The following FAM169A variants were observed in gnomAD, a reference collection of about 807,000 sequenced individuals.
FAM169A encodes soluble lamin-associated protein of 75 kDa.
Under a neutral mutation model 75.7 loss-of-function variants are expected in FAM169A, and 24 were observed. That is an observed-to-expected ratio of 0.32 (90% confidence interval 0.23 to 0.45). The LOEUF is 0.45. FAM169A is among the 20% of genes least tolerant of loss of function. The pLI is 1.00. For synonymous variants in FAM169A, 271 were observed against 271.0 expected, an observed-to-expected ratio of 1.00 and a Z score of 0.00; for missense variants, 673 against 784.0, an observed-to-expected ratio of 0.86 and a Z score of 1.69.
intron 8 of FAM169A, among the ~76,000 whole-genome samples, chr5:74,802,912 T>G (rs1341016592): frequency 6.6e-6 from 1 of 152,034 alleles, no homozygotes; most frequent in African/African-American, 2.4e-5. Context: ...AAGTGTAAGA[T>G]AAATAATAGG....
chr5:74,801,033 G>T lies in FAM169A; in HGVS notation c.953-3C>A. On this transcript the variant is annotated splice_region_variant and splice_polypyrimidine_tract_variant and intron_variant, in intron 9 of 12. Transcript: ENST00000687041. ...GGAAACAGATGTTTTATCATGACCT[G>T]AGGAGAAAAACAGCAAAACTGCACT... is the stretch of plus-strand genomic sequence containing the variant. 6.5e-7 allele frequency: 1 copy of T among 1,531,696 alleles called. No individual in the cohort carries two copies. Among genetic ancestry groups the T allele is most frequent in the African/African-American group, 1.4e-5 (1 of 70,922 alleles). 94.9% of individuals were successfully genotyped at this position (1,531,696 alleles called of 1,614,324 possible).
chr5:74,801,532 C>T (rs1746576908), intron 9 of FAM169A, 58 bp downstream of exon 9: 1 of 1,309,816 alleles, frequency 7.6e-7, no homozygotes, highest in Non-Finnish European at 1.1e-6. Flanking sequence ...CACACACACA[C>T]ACAGCCCTAA....
intron 6 of FAM169A, among the ~76,000 whole-genome samples, chr5:74,812,593 T>C (rs150462361): frequency 2.0e-4 from 30 of 152,256 alleles, no homozygotes; most frequent in African/African-American, 6.7e-4. Context: ...TTATTTCTTT[T>C]TGTATGTCTG....
rs1397663694 is a variant in FAM169A at position 74,866,201 on chromosome 5, G to A, written c.-40C>T. On this transcript the variant is annotated 5_prime_UTR_variant, in exon 1 of 13. Coordinates refer to ENST00000687041, the MANE Select transcript of FAM169A (RefSeq NM_001376049.1). The stretch of plus-strand genomic sequence containing the variant: ...CCCGGGAGCCGCTGGAAGAGCCCGG[G>A]AAAGGAGGCGGAGCCGCGCGAATGA... 1.0e-6 allele frequency: 1 copy of A among 984,252 alleles called. No homozygotes were observed. Among genetic ancestry groups the A allele is most frequent in the Non-Finnish European group, 1.2e-6 (1 of 829,612 alleles). The allele number at this position is 984,252 out of a possible 1,614,324, so 61.0% of individuals were successfully genotyped here. A position where few individuals can be genotyped will look rare whatever the true frequency, so the allele number is the denominator to read the frequency against.
chr5:74,797,000 T>C (rs1746311667), intron 10 of FAM169A, among the ~76,000 whole-genome samples: 1 of 152,206 alleles, frequency 6.6e-6, no homozygotes, highest in Non-Finnish European at 1.5e-5. Context: ...TGGACCACTG[T>C]ACTTCTCCCC....
rs200900016 is a variant in FAM169A at position 74,800,875 on chromosome 5, T to C, written c.1103+5A>G. ...AAAATGAGAGTAAAATCAACAATTA[T>C]TTACTTGTTTATTGAAGCTGTAAGT... On this transcript the variant is annotated splice_donor_5th_base_variant and intron_variant, in intron 10 of 12. Coordinates refer to ENST00000687041, the MANE Select transcript of FAM169A (RefSeq NM_001376049.1). The C allele has an allele frequency of 4.5e-4, 622 of 1,391,878 alleles. No individual in the cohort carries two copies. Among genetic ancestry groups the C allele is most frequent in the Non-Finnish European group, 5.3e-4 (562 of 1,063,600 alleles). 86.2% of individuals were successfully genotyped at this position (1,391,878 alleles called of 1,614,324 possible).
At chr5:74,820,879 C>T (rs1747733991) in intron 5 of FAM169A, among the ~76,000 whole-genome samples, 1 of 152,158 alleles carries the variant, frequency 6.6e-6, no homozygotes, top group Non-Finnish European at 1.5e-5. Flanking sequence ...TCTCCTAATC[C>T]ATATCAATCA....
intron 12 of FAM169A, 78 bp from the exon 13 acceptor site, chr5:74,782,086 T>A: frequency 9.0e-7 from 1 of 1,108,838 alleles, no homozygotes; most frequent in Non-Finnish European, 1.3e-6. Flanking sequence ...TAATATGCAG[T>A]GACACTGAAC....
At position 74,833,110 on chromosome 5, in the gene FAM169A, A is replaced by C. The variant is rs186898586; in HGVS notation, c.490+1316T>G. On this transcript the variant is annotated intron_variant, in intron 5 of 12. Coordinates refer to ENST00000687041, the MANE Select transcript of FAM169A (RefSeq NM_001376049.1). ...CCTTTGTGTGTCTTTCATAGAAAGA[A>C]GCCCTCAATACAAAAGTATAAACTA... 4.0e-3 allele frequency among the ~76,000 whole-genome samples: 603 copies of C among 152,246 alleles called. 1 individual carries two copies. The highest frequency in any genetic ancestry group is 0.014 in the African/African-American group (581 of 41,566).
intron 5 of FAM169A, among the ~76,000 whole-genome samples, chr5:74,827,640 C>T (rs1285494134): frequency 3.3e-5 from 5 of 150,192 alleles, no homozygotes. Context: ...ATTTTAAATA[C>T]AACTGTTAAT....
rs145758629 is a variant in FAM169A, at chr5:74,799,821, C to T, written c.1103+1059G>A. The stretch of plus-strand genomic sequence containing the variant: ...ACCAATGCTCTTGAACTACGATGAC[C>T]GTGGCTGCCTGACCTTTGTCTCCAA... On this transcript the variant is annotated intron_variant, in intron 10 of 12. Coordinates refer to ENST00000687041, the MANE Select transcript of FAM169A (RefSeq NM_001376049.1). 62 of 1,073,362 alleles carry T rather than the reference C, an allele frequency of 5.8e-5. No homozygotes were observed. The African/African-American group carries it at 8.4e-4, about 15-fold the overall frequency. The allele number at this position is 1,073,362 out of a possible 1,614,324, so 66.5% of individuals were successfully genotyped here.
chr5:74,804,811 T>C (rs139695949), intron 7 of FAM169A, among the ~76,000 whole-genome samples: 76 of 152,338 alleles, frequency 5.0e-4, no homozygotes, highest in African/African-American at 1.8e-3. Context: ...AAGTATTTAG[T>C]AGCTTTGGGG....
chr5:74,820,647 T>C (rs1034821969), intron 5 of FAM169A, among the ~76,000 whole-genome samples: 29 of 152,124 alleles, frequency 1.9e-4, no homozygotes, highest in Non-Finnish European at 7.4e-5. Context: ...CCAGGGCTTC[T>C]ACAACAGCCT....
At chr5:74,864,475 G>C (rs1016538453) in intron 1 of FAM169A, among the ~76,000 whole-genome samples, 2 of 152,154 alleles carry the variant, frequency 1.3e-5, no homozygotes, top group African/African-American at 4.8e-5. Context: ...TGATCCACCC[G>C]CTCTGGCCTC....
At chr5:74,844,398 G>A (rs901166130) in intron 1 of FAM169A, among the ~76,000 whole-genome samples, 9 of 151,992 alleles carry the variant, frequency 5.9e-5, no homozygotes, top group African/African-American at 1.7e-4. Context: ...GGAGTTCAAT[G>A]ACGCAGTGAG....
At chr5:74,827,215 TA>T (rs1366999287) in intron 5 of FAM169A, among the ~76,000 whole-genome samples, 7 of 152,156 alleles carry the variant, frequency 4.6e-5, no homozygotes, top group African/African-American at 1.7e-4. Flanking sequence ...TTGCAGTTAA[TA>T]AATAACATTG....
chr5:74,841,570 T>C lies in FAM169A; in HGVS notation c.107A>G (p.Glu36Gly), dbSNP rs1485776513. 2 of 1,612,966 alleles carry C rather than the reference T, an allele frequency of 1.2e-6. No individual in the cohort carries two copies. Among genetic ancestry groups the C allele is most frequent in the African/African-American group, 2.7e-5 (2 of 74,896 alleles). Residue 36 changes from glutamate to glycine, a missense_variant, in exon 2 of 13, where the codon GAG (glutamate) becomes GGG (glycine). By Grantham distance (98) the Glu-to-Gly change is moderately conservative (BLOSUM62 -2). This residue lies in a region of FAM169A where 56 missense variants were observed against 52.2 expected (regional missense o/e 1.07). Coordinates refer to ENST00000687041, the MANE Select transcript of FAM169A (RefSeq NM_001376049.1). ...CGTAATATTGAGAAGAGAAAAACACTCTGGATTTTCAGGGTCCCCACACCT... is the reference window on the plus strand; with the variant it reads ...CGTAATATTGAGAAGAGAAAAACACCCTGGATTTTCAGGGTCCCCACACCT... Reference protein sequence around the residue: ...DLRCGDPENPECFSLLNITIP... With the variant: ...DLRCGDPENPGCFSLLNITIP...
In FAM169A at chr5:74,795,627, C is replaced by T. The variant is rs1280395865; in HGVS notation, c.1260+403G>A. On this transcript the variant is annotated intron_variant, in intron 11 of 12. Transcript: ENST00000687041. ...TTTTCTGGATTAGTAATTCCTACCC[C>T]TCTAACTAAAATGGGGGTGCCCCTG... 2.0e-5 allele frequency among the ~76,000 whole-genome samples: 3 copies of T among 152,128 alleles called. No homozygotes were observed. In the South Asian group the frequency reaches 6.2e-4, roughly 32 times the overall value.
intron 8 of FAM169A, among the ~76,000 whole-genome samples, 185 bp from the exon 9 acceptor site, chr5:74,801,814 T>C (rs904592615): frequency 6.6e-6 from 1 of 152,234 alleles, no homozygotes; most frequent in Non-Finnish European, 1.5e-5. Flanking sequence ...TGAGAACATA[T>C]GCAAGTCATC....
Sources: allele counts gnomAD v4.1 joint callset (sites outside exome capture counted in the v4.1 genomes callset), GRCh38; gene constraint gnomAD v4.1.1; regional missense constraint gnomAD v4.1.1; transcripts MANE v1.5; gene names NCBI Gene and HGNC (gene_info 2026-07-23, HGNC 2026-07-21).